SYNM: variants seen among roughly 807,000 people sequenced by gnomAD.
SYNM encodes synemin, also known as desmuslin.
In SYNM, 95 loss-of-function variants were observed where a neutral mutation model predicts 104.0. That is an observed-to-expected ratio of 0.91 (90% CI 0.77 to 1.08). The LOEUF is 1.08. SYNM is among the 50% of genes least tolerant of loss of function. The pLI, the probability that SYNM is intolerant of heterozygous loss-of-function variation, is 0.00. For missense variants in SYNM, 2,150 were observed against 2,052.2 expected, an observed-to-expected ratio of 1.05 and a Z score of -0.92; for synonymous variants, 918 against 869.0, an observed-to-expected ratio of 1.06 and a Z score of -0.99.
In SYNM at chr15:99,130,262, G is replaced by C. The variant is rs2067487399; in HGVS notation, c.1902G>C (p.Met634Ile). 1.2e-6 allele frequency: 2 copies of C among 1,613,858 alleles called. No homozygotes were observed. The highest frequency in any genetic ancestry group is 2.7e-5 in the African/African-American group (2 of 74,928). ...DATGSLQGDSMTETVAENIVT... is the reference protein window; with the variant it reads ...DATGSLQGDSITETVAENIVT... The stretch of plus-strand genomic sequence containing the variant: ...CTGGTTCTCTGCAAGGCGATTCCAT[G>C]ACAGAAACCGTAGCAGAAAACATCG... Residue 634 changes from methionine to isoleucine, a missense_variant, in exon 4 of 4, where the codon ATG (methionine) becomes ATC (isoleucine). Coordinates refer to ENST00000336292, the MANE Select transcript of SYNM (RefSeq NM_145728.3).
intron 2 of SYNM, among the ~76,000 whole-genome samples, chr15:99,122,137 C>CA (rs782313405): frequency 6.6e-6 from 1 of 152,212 alleles, no homozygotes; most frequent in Non-Finnish European, 1.5e-5. Context: ...TTAGAAACAA[C>CA]AACATCAAAA....
intron 1 of SYNM, among the ~76,000 whole-genome samples, chr15:99,112,371 G>A (rs1237859288): frequency 6.6e-6 from 1 of 152,210 alleles, no homozygotes; most frequent in Non-Finnish European, 1.5e-5. Flanking sequence ...TTGTTCCCCA[G>A]AGTAACTAAC....
In SYNM at chr15:99,129,476, G is replaced by C. The variant is rs781918612; in HGVS notation, c.1116G>C (p.Ser372=). ...CTTTGGCAAGTTTCAATCACAGCTCGGCACTGTATTCTAACCTGTCAGGGC... is the reference window on the plus strand; with the variant it reads ...CTTTGGCAAGTTTCAATCACAGCTCCGCACTGTATTCTAACCTGTCAGGGC... ...KAPLASFNHS[S]ALYSNLSGHR... is the part of the protein sequence containing the mutation. Residue 372 remains serine (S), a synonymous_variant, in exon 4 of 4, where the codon TCG becomes TCC. Coordinates refer to ENST00000336292, the MANE Select transcript of SYNM (RefSeq NM_145728.3). The C allele has an allele frequency of 6.2e-7, 1 of 1,613,810 alleles. No individual in the cohort carries two copies. Among genetic ancestry groups the C allele is most frequent in the African/African-American group, 1.3e-5 (1 of 74,902 alleles).
intron 3 of SYNM, among the ~76,000 whole-genome samples, chr15:99,127,267 G>A (rs2067456497): frequency 6.6e-6 from 1 of 152,188 alleles, no homozygotes; most frequent in African/African-American, 2.4e-5. Flanking sequence ...ACCCTAGGTT[G>A]TTGTGAGCAG....
intron 2 of SYNM, among the ~76,000 whole-genome samples, chr15:99,115,393 ATCT>A (rs2067338014): frequency 6.7e-6 from 1 of 149,126 alleles, no homozygotes; most frequent in South Asian, 2.2e-4. Flanking sequence ...TGCCTGTGTA[ATCT>A]TCTGATCATG....
chr15:99,126,882 C>T lies in SYNM; in HGVS notation c.1006+90C>T, dbSNP rs142023719. ...AGTAAAGCACCATCATCGGGAAGAA[C>T]GGGTTAGATATGGTGTTTAGATAAC... On this transcript the variant is annotated intron_variant, in intron 3 of 3. Transcript: ENST00000336292. 54 of 1,201,732 alleles carry T rather than the reference C, an allele frequency of 4.5e-5. 1 individual carries two copies. In the East Asian group the frequency reaches 5.8e-4, roughly 13 times the overall value. The allele number at this position is 1,201,732 out of a possible 1,614,324, so 74.4% of individuals were successfully genotyped here. A position where few individuals can be genotyped will look rare whatever the true frequency, so the allele number is the denominator to read the frequency against.
Position 99,129,423 on chromosome 15 carries a change from A to C in SYNM, c.1063A>C (p.Arg355=). ...TDSLLQRENE[R]NLFSRQKAPL... is the part of the protein sequence containing the mutation. ...CTCACTACTACAGAGGGAAAATGAAAGGAATCTATTTTCAAGGCAGAAAGC... is the reference window on the plus strand; with the variant it reads ...CTCACTACTACAGAGGGAAAATGAACGGAATCTATTTTCAAGGCAGAAAGC... Residue 355 remains arginine, a synonymous_variant, in exon 4 of 4, where the codon AGG becomes CGG. Coordinates refer to ENST00000336292, the MANE Select transcript of SYNM (RefSeq NM_145728.3). 6.2e-7 allele frequency: 1 copy of C among 1,613,934 alleles called. No homozygotes were observed. Among genetic ancestry groups the C allele is most frequent in the Non-Finnish European group, 8.5e-7 (1 of 1,179,878 alleles).
In SYNM at chr15:99,130,128, G is replaced by C. The variant is rs2067485628; in HGVS notation, c.1768G>C (p.Glu590Gln). ...SLEVSQDRRAEVSPKGLQTPV... is the reference protein window; with the variant it reads ...SLEVSQDRRAQVSPKGLQTPV... ...AGAAGTATCCCAGGACAGAAGAGCA[G>C]AGGTGTCCCCGAAAGGTTTGCAGAC... The change falls in exon 4 of 4, where the codon GAG (glutamate) becomes CAG (glutamine). Residue 590 changes from glutamate (E) to glutamine (Q), a missense_variant. Transcript: ENST00000336292. 6.2e-7 allele frequency: 1 copy of C among 1,613,980 alleles called. No individual in the cohort carries two copies. Among genetic ancestry groups the C allele is most frequent in the Non-Finnish European group, 8.5e-7 (1 of 1,179,898 alleles).
chr15:99,111,741 A>AT (rs1219065011), intron 1 of SYNM, among the ~76,000 whole-genome samples: 23 of 144,926 alleles, frequency 1.6e-4, no homozygotes, highest in African/African-American at 5.9e-4. Flanking sequence ...CTGATCATGC[A>AT]TTTTAAAAAA....
At position 99,130,217 on chromosome 15, in the gene SYNM, G is replaced by T. The variant is rs782134990; in HGVS notation, c.1857G>T (p.Arg619Ser). 6.2e-7 allele frequency: 1 copy of T among 1,613,976 alleles called. No homozygotes were observed. The highest frequency in any genetic ancestry group is 1.1e-5 in the South Asian group (1 of 91,084). ...CAGAAGCAAGAGAGCTACGGTTCAG[G>T]TTGGGCACCAGTGATGCCACTGGTT... ...REAEARELRFRLGTSDATGSL... is the reference protein window; with the variant it reads ...REAEARELRFSLGTSDATGSL... The change falls in exon 4 of 4, where the codon AGG becomes AGT. Residue 619 changes from arginine to serine, a missense_variant. Transcript: ENST00000336292.
chr15:99,117,097 C>T (rs1555484044), intron 2 of SYNM, among the ~76,000 whole-genome samples: 2 of 113,546 alleles, frequency 1.8e-5, no homozygotes, highest in Admixed American at 1.9e-4. Flanking sequence ...AAACACCTTC[C>T]TCTAGGCCCC....
intron 2 of SYNM, among the ~76,000 whole-genome samples, chr15:99,115,000 A>G (rs578083101): frequency 6.6e-6 from 1 of 152,098 alleles, no homozygotes; most frequent in Non-Finnish European, 1.5e-5. Context: ...CTTTGCCACT[A>G]TTCTCTGCTC....
At chr15:99,125,232 T>G (rs2067436006) in intron 2 of SYNM, among the ~76,000 whole-genome samples, 1 of 152,200 alleles carries the variant, frequency 6.6e-6, no homozygotes, top group Admixed American at 6.6e-5. Context: ...CGCCACCCCT[T>G]CTGCTGCCGT....
chr15:99,116,856 T>C (rs1328100163), intron 2 of SYNM, among the ~76,000 whole-genome samples: 1 of 143,418 alleles, frequency 7.0e-6, no homozygotes, highest in Non-Finnish European at 1.5e-5. Context: ...CTTGTATTTT[T>C]AGTAAAGACG....
At position 99,130,103 on chromosome 15, in the gene SYNM, A is replaced by C; in HGVS notation, c.1743A>C (p.Leu581=). 2 of 1,613,958 alleles carry C rather than the reference A, an allele frequency of 1.2e-6. No homozygotes were observed. The highest frequency in any genetic ancestry group is 3.3e-5 in the Admixed American group (2 of 60,020). ...GAGAGAGAGAGGTGCCGATTAGTCTAGAAGTATCCCAGGACAGAAGAGCAG... is the reference window on the plus strand; with the variant it reads ...GAGAGAGAGAGGTGCCGATTAGTCTCGAAGTATCCCAGGACAGAAGAGCAG... ...SVREREVPIS[L]EVSQDRRAEV... is the part of the protein sequence containing the mutation. The change falls in exon 4 of 4, where the codon CTA becomes CTC. Residue 581 remains leucine, a synonymous_variant. Coordinates refer to ENST00000336292, the MANE Select transcript of SYNM (RefSeq NM_145728.3).
intron 2 of SYNM, among the ~76,000 whole-genome samples, chr15:99,115,453 T>C (rs1375432832): frequency 7.1e-6 from 1 of 139,914 alleles, no homozygotes; most frequent in Admixed American, 7.6e-5. Flanking sequence ...AATTTTAATT[T>C]TATTTATTTT....
chr15:99,124,893 C>T (rs2067433267), intron 2 of SYNM, among the ~76,000 whole-genome samples: 2 of 152,148 alleles, frequency 1.3e-5, no homozygotes, highest in Admixed American at 1.3e-4. Flanking sequence ...TGGTAAAGGC[C>T]TAGAAAGGGG....
At position 99,134,270 on chromosome 15, in the gene SYNM, C is replaced by G. The variant is rs1449000742; in HGVS notation, c.*1212C>G. ...TCTCCTGCAGCCCAGCACCGAGATACCCAGGACGGGCCTGGGGGGCGAGAA... is the reference window on the plus strand; with the variant it reads ...TCTCCTGCAGCCCAGCACCGAGATAGCCAGGACGGGCCTGGGGGGCGAGAA... On this transcript the variant is annotated 3_prime_UTR_variant, in exon 4 of 4. Transcript: ENST00000336292. 6.6e-6 allele frequency: 1 copy of G among 151,966 alleles called. No individual in the cohort carries two copies. The highest frequency in any genetic ancestry group is 1.5e-5 in the Non-Finnish European group (1 of 67,976). The allele number at this position is 151,966 out of a possible 1,614,324, so 9.4% of individuals were successfully genotyped here. A position where few individuals can be genotyped will look rare whatever the true frequency, so the allele number is the denominator to read the frequency against.
rs1001917681 is a variant in SYNM at position 99,131,979 on chromosome 15, C to G, written c.3619C>G (p.Pro1207Ala). The G allele has an allele frequency of 9.9e-6, 16 of 1,613,828 alleles. No homozygotes were observed. In the African/African-American group the frequency reaches 2.0e-4, roughly 20 times the overall value. Residue 1207 changes from proline (P) to alanine (A), a missense_variant, in exon 4 of 4, where the codon CCA (proline) becomes GCA (alanine). Coordinates refer to ENST00000336292, the MANE Select transcript of SYNM (RefSeq NM_145728.3). This position sits in a 1 kb window ranked among gnomAD's most constrained non-coding sequence, Gnocchi z 4.3. ...PEAWGSPEPG[P>A]AESSADMDGS... ...GGCATGGGGCTCGCCAGAACCTGGC[C>G]CAGCAGAGTCTTCTGCAGATATGGA...
Sources: allele counts gnomAD v4.1 joint callset (sites outside exome capture counted in the v4.1 genomes callset), GRCh38; gene constraint gnomAD v4.1.1; non-coding constraint Gnocchi (gnomAD v3.1); transcripts MANE v1.5; gene names NCBI Gene and HGNC (gene_info 2026-07-23, HGNC 2026-07-21).